The following STK3 variants were observed in gnomAD, a reference collection of about 807,000 sequenced individuals.
The protein encoded by STK3 is serine/threonine-protein kinase 3.
STK3 carries 41 observed loss-of-function variants against 58.0 expected under a neutral mutation model. The ratio of observed to expected loss-of-function variants is 0.71; its 90% CI spans 0.55 to 0.92. The LOEUF (loss-of-function observed/expected upper bound fraction) is 0.92, where lower values mean the gene tolerates loss of function less well. Among genes scored for constraint, STK3 ranks in the 40% least tolerant of loss-of-function variants. The probability of loss-of-function intolerance (pLI) is 0.00; values close to 1 mark genes in which losing one functional copy is unlikely to be tolerated. For synonymous variants in STK3, 170 were observed against 191.0 expected (o/e 0.89, Z 0.91); for missense variants, 479 against 602.7 (o/e 0.79, Z 2.15).
intron 6 of STK3, among the ~76,000 whole-genome samples, chr8:98,701,918 T>G (rs569931575): frequency 1.3e-5 from 2 of 152,198 alleles, no homozygotes; most frequent in African/African-American, 2.4e-5. Flanking sequence ...CTTACTCCCA[T>G]TTGCCACTAC....
chr8:98,694,855 G>C (rs1418569868), intron 6 of STK3, among the ~76,000 whole-genome samples: 3 of 152,100 alleles, frequency 2.0e-5, no homozygotes, highest in Admixed American at 1.3e-4. Flanking sequence ...TAGTCCTTTG[G>C]GTATATACCC....
intron 4 of STK3, among the ~76,000 whole-genome samples, chr8:98,728,413 G>A (rs1303917957): frequency 6.6e-6 from 1 of 151,932 alleles, no homozygotes; most frequent in Non-Finnish European, 1.5e-5. Flanking sequence ...GCACATGTCT[G>A]GCAAGGAAAA....
intron 7 of STK3, among the ~76,000 whole-genome samples, chr8:98,586,322 G>T (rs1214813823): frequency 2.0e-5 from 3 of 152,104 alleles, no homozygotes; most frequent in Non-Finnish European, 4.4e-5. Context: ...GTTGAATTTT[G>T]TCAAAGGCCT....
chr8:98,930,764 C>A (rs937287174), intron 1 of STK3, among the ~76,000 whole-genome samples: 3 of 152,192 alleles, frequency 2.0e-5, no homozygotes, highest in Non-Finnish European at 2.9e-5. Flanking sequence ...TACAACCAAA[C>A]TGGTGTCAAT....
downstream of STK3, among the ~76,000 whole-genome samples, chr8:98,450,440 TATTGAAAC>T (rs1434839103): frequency 1.3e-5 from 2 of 152,226 alleles, no homozygotes; most frequent in African/African-American, 2.4e-5. Context: ...CAGATGAAGA[TATTGAAAC>T]ACAGAATGAT....
At chr8:98,747,246 G>A (rs777472811) in intron 4 of STK3, among the ~76,000 whole-genome samples, 5 of 151,554 alleles carry the variant, frequency 3.3e-5, no homozygotes, top group Non-Finnish European at 7.4e-5. Flanking sequence ...TACAAAATAA[G>A]AATAACAATA....
intron 1 of STK3, among the ~76,000 whole-genome samples, chr8:98,822,159 G>C (rs1485903819): frequency 6.6e-6 from 1 of 152,166 alleles, no homozygotes; most frequent in Non-Finnish European, 1.5e-5. Flanking sequence ...TACCTTTTGG[G>C]GGATGGGAAG....
chr8:98,713,316 A>C (rs1826685372), intron 4 of STK3, among the ~76,000 whole-genome samples: 1 of 152,184 alleles, frequency 6.6e-6, no homozygotes, highest in African/African-American at 2.4e-5. Context: ...GAGACACAAA[A>C]AACCCTTCAA....
intron 1 of STK3, among the ~76,000 whole-genome samples, chr8:98,939,271 G>T (rs2132060697): frequency 6.6e-6 from 1 of 152,330 alleles, no homozygotes; most frequent in South Asian, 2.1e-4. Flanking sequence ...GCCCGCCCGC[G>T]ATGGACCCCA....
intron 1 of STK3, among the ~76,000 whole-genome samples, chr8:98,801,177 A>T (rs377057440): frequency 3.7e-3 from 551 of 150,886 alleles, no homozygotes; most frequent in African/African-American, 0.013. Flanking sequence ...TAGCTAGAGG[A>T]TTGTAAATAC....
intron 1 of STK3, among the ~76,000 whole-genome samples, chr8:98,790,811 C>T (rs1447240865): frequency 6.6e-6 from 1 of 152,028 alleles, no homozygotes; most frequent in Non-Finnish European, 1.5e-5. Context: ...AGTGAAACCC[C>T]GTCTCTACTA....
chr8:98,598,472 A>G, intron 6 of STK3: 2 of 985,400 alleles, frequency 2.0e-6, no homozygotes, highest in Non-Finnish European at 2.4e-6. Flanking sequence ...CAGGAAAACC[A>G]CTATGCCATT....
chr8:98,725,372 T>C (rs570806277), intron 4 of STK3, among the ~76,000 whole-genome samples: 3 of 152,302 alleles, frequency 2.0e-5, no homozygotes, highest in East Asian at 3.9e-4. Context: ...TCCTCTTTTG[T>C]ACCCTTTTGT....
intron 7 of STK3, 124 bp from the exon 8 acceptor site, chr8:98,579,913 G>A: frequency 1.1e-6 from 1 of 882,428 alleles, no homozygotes; most frequent in Non-Finnish European, 1.6e-6. Context: ...TTTTCATCTA[G>A]AATTAAATGT....
intron 3 of STK3, chr8:98,413,260 C>T (rs929635461): frequency 2.7e-6 from 1 of 365,020 alleles, no homozygotes; most frequent in Non-Finnish European, 5.4e-6. Flanking sequence ...AGTGATCCAC[C>T]TGCCTTGGCT....
intron 6 of STK3, among the ~76,000 whole-genome samples, chr8:98,703,904 C>T (rs1825788887): frequency 6.6e-6 from 1 of 152,210 alleles, no homozygotes. Context: ...CTATACCCCC[C>T]ACAAAACTAC....
intron 6 of STK3, among the ~76,000 whole-genome samples, chr8:98,672,277 G>A (rs1485039405): frequency 2.6e-5 from 4 of 151,744 alleles, no homozygotes; most frequent in Admixed American, 2.6e-4. Context: ...TAGGGGGTTA[G>A]GGGGTGTGAT....
At chr8:98,682,463 A>G (rs1823706944) in intron 6 of STK3, among the ~76,000 whole-genome samples, 1 of 152,172 alleles carries the variant, frequency 6.6e-6, no homozygotes. Flanking sequence ...TTTATAAGTC[A>G]CTTACCGAAA....
At chr8:98,409,893 C>T (rs146178661) in intron 3 of STK3, among the ~76,000 whole-genome samples, 1,784 of 152,284 alleles carry the variant, frequency 0.012, 10 homozygotes, top group Non-Finnish European at 0.017. Context: ...TTGGTCCCTT[C>T]CTCAGCCGGA....
Sources: allele counts gnomAD v4.1 joint callset (sites outside exome capture counted in the v4.1 genomes callset), GRCh38; gene constraint gnomAD v4.1.1; transcripts MANE v1.5; gene names NCBI Gene and HGNC (gene_info 2026-07-23, HGNC 2026-07-21).